Variants in ORC2 observed in about 807,000 individuals in gnomAD.
The protein encoded by ORC2 is origin recognition complex protein 2 homolog.
In ORC2, 37 loss-of-function variants were observed where a neutral mutation model predicts 77.7. The observed-to-expected ratio is 0.48, with a 90% confidence interval of 0.37 to 0.63. The LOEUF (loss-of-function observed/expected upper bound fraction) is 0.63. Ranked by LOEUF, ORC2 falls within the 20% of genes least tolerant of loss-of-function variation. The pLI is 0.00. For synonymous variants in ORC2, 201 were observed against 229.5 expected (o/e 0.88, Z 1.12); for missense variants, 557 against 661.9 (o/e 0.84, Z 1.74).
chr2:200,941,405 G>A, intron 6 of ORC2, 126 bp from the exon 7 acceptor site: 3 of 712,456 alleles, frequency 4.2e-6, no homozygotes, highest in Non-Finnish European at 4.7e-6. Context: ...CACTTTGGGA[G>A]GCAAGGCAGG....
At chr2:200,932,585 G>A (rs554541076) in intron 10 of ORC2, among the ~76,000 whole-genome samples, 11 of 152,074 alleles carry the variant, frequency 7.2e-5, no homozygotes, top group Admixed American at 2.0e-4. Context: ...TGATCCTCCC[G>A]CCTTGGCCTC....
intron 5 of ORC2, among the ~76,000 whole-genome samples, chr2:200,943,895 T>C (rs10167387): frequency 0.32 from 49,258 of 151,752 alleles, 10,808 homozygotes; most frequent in African/African-American, 0.62. Context: ...TGTGGTTATT[T>C]CATCTCTTCT....
rs545829715 is a variant in ORC2 at position 200,914,773 on chromosome 2, T to C, written c.1467-781A>G. On this transcript the variant is annotated intron_variant, in intron 15 of 17. Transcript: ENST00000234296. ...AAAATAAAATATGAAAGTATTTTTT[T>C]CTTACTTTTTAGGTTAGTGTTGGTA... 8.4e-4 allele frequency among the ~76,000 whole-genome samples: 128 copies of C among 152,218 alleles called. 3 individuals carry two copies. The South Asian group carries it at 0.025, about 30-fold the overall frequency.
chr2:200,944,835 C>T (rs146582707), intron 5 of ORC2, among the ~76,000 whole-genome samples: 1 of 152,318 alleles, frequency 6.6e-6, no homozygotes, highest in East Asian at 1.9e-4. Flanking sequence ...TCACCACGCC[C>T]AGCGGTGAAT....
intron 11 of ORC2, among the ~76,000 whole-genome samples, chr2:200,928,854 T>G (rs1421813353): frequency 6.6e-6 from 1 of 151,816 alleles, no homozygotes; most frequent in East Asian, 1.9e-4. Context: ...AAAACTTTTA[T>G]AGGCTGAAGC....
chr2:200,943,318 A>G (rs1017539811), intron 5 of ORC2, among the ~76,000 whole-genome samples: 4 of 152,196 alleles, frequency 2.6e-5, no homozygotes, highest in Non-Finnish European at 4.4e-5. Flanking sequence ...AATAAATGGA[A>G]TAGTGGTCTT....
At chr2:200,956,567 C>T (rs1028435656) in intron 4 of ORC2, among the ~76,000 whole-genome samples, 2 of 152,036 alleles carry the variant, frequency 1.3e-5, no homozygotes, top group Non-Finnish European at 2.9e-5. Flanking sequence ...TGGGCTCAAG[C>T]AGTCCTCCTG....
At chr2:200,954,489 T>C (rs2041428065) in intron 4 of ORC2, among the ~76,000 whole-genome samples, 1 of 152,156 alleles carries the variant, frequency 6.6e-6, no homozygotes, top group East Asian at 1.9e-4. Flanking sequence ...TTGCAAAAAG[T>C]CTATTTATAA....
chr2:200,919,119 T>G (rs1255593562), intron 15 of ORC2, among the ~76,000 whole-genome samples: 1 of 152,232 alleles, frequency 6.6e-6, no homozygotes, highest in Non-Finnish European at 1.5e-5. Context: ...CTTGAGCCAC[T>G]GTGCCTGGCA....
At chr2:200,913,145 A>G in intron 17 of ORC2, 150 bp downstream of exon 17, 1 of 497,030 alleles carries the variant, frequency 2.0e-6, no homozygotes, top group African/African-American at 2.0e-5. Context: ...CTCTTTCTAC[A>G]AACTCAAATG....
rs16835800 is a variant in ORC2, at chr2:200,926,230, C to T, written c.1051-298G>A. Reference sequence around the variant, plus strand: ...GAACATGAGAAACATTAGAAAACTACAGTTCTATCAAAGGAAACAGGACAC... The same window carrying T: ...GAACATGAGAAACATTAGAAAACTATAGTTCTATCAAAGGAAACAGGACAC... On this transcript the variant is annotated intron_variant, in intron 12 of 17. Coordinates refer to ENST00000234296, the MANE Select transcript of ORC2 (RefSeq NM_006190.5). Among the ~76,000 whole-genome samples, 1,475 of 152,148 alleles carry T rather than the reference C, an allele frequency of 9.7e-3. 19 individuals are homozygous for T. The highest frequency in any genetic ancestry group is 0.034 in the African/African-American group (1,409 of 41,526).
chr2:200,924,227 G>A (rs1214166218), intron 13 of ORC2, among the ~76,000 whole-genome samples: 1 of 152,056 alleles, frequency 6.6e-6, no homozygotes, highest in African/African-American at 2.4e-5. Flanking sequence ...TGTGCCTGTA[G>A]TCCCAGCTAA....
At chr2:200,939,382 G>C (rs1238985067) in intron 7 of ORC2, among the ~76,000 whole-genome samples, 4 of 152,094 alleles carry the variant, frequency 2.6e-5, no homozygotes, top group African/African-American at 9.7e-5. Context: ...AAAAAGACAA[G>C]ACTAATAAAT....
At chr2:200,942,282 C>T (rs763795173) in intron 6 of ORC2, among the ~76,000 whole-genome samples, 1 of 152,192 alleles carries the variant, frequency 6.6e-6, no homozygotes, top group African/African-American at 2.4e-5. Context: ...ACGAAATGTA[C>T]ACTTTTTAAT....
At chr2:200,939,910 G>A (rs1258121733) in intron 7 of ORC2, among the ~76,000 whole-genome samples, 1 of 152,078 alleles carries the variant, frequency 6.6e-6, no homozygotes, top group African/African-American at 2.4e-5. Context: ...GAACACACAA[G>A]ACATAAGAAA....
intron 5 of ORC2, among the ~76,000 whole-genome samples, chr2:200,945,585 T>C (rs989200121): frequency 3.9e-5 from 6 of 152,068 alleles, no homozygotes; most frequent in Non-Finnish European, 8.8e-5. Flanking sequence ...ATGATATTAT[T>C]TGTGGGCTTG....
At chr2:200,936,530 T>A (rs962712228) in intron 8 of ORC2, among the ~76,000 whole-genome samples, 1 of 152,212 alleles carries the variant, frequency 6.6e-6, no homozygotes. Context: ...TCTGGGTCCT[T>A]AATGATACTG....
chr2:200,943,524 C>T (rs2041192398), intron 5 of ORC2, among the ~76,000 whole-genome samples: 1 of 152,136 alleles, frequency 6.6e-6, no homozygotes, highest in African/African-American at 2.4e-5. Context: ...AACAGATTTA[C>T]CTTTTCCAAG....
In ORC2 at chr2:200,931,410, G is replaced by A; in HGVS notation, c.846C>T (p.Ser282=). 1.3e-6 allele frequency: 2 copies of A among 1,541,566 alleles called. No homozygotes were observed. The highest frequency in any genetic ancestry group is 1.7e-6 in the Non-Finnish European group (2 of 1,151,892). ...LRNLLSKVSP[S]FSAELKQLNQ... is the part of the protein sequence containing the mutation. The stretch of plus-strand genomic sequence containing the variant: ...TTAGTTGTTTAAGTTCGGCAGAAAA[G>A]GAAGGGGAAACCTTGCTCAATAAGT... The change falls in exon 11 of 18, where the codon TCC becomes TCT. Residue 282 remains serine (S), a synonymous_variant. Transcript: ENST00000234296.
Sources: gnomAD v4.1 joint callset for allele counts (sites outside exome capture counted in the v4.1 genomes callset) on GRCh38, gnomAD v4.1.1 for gene constraint, MANE v1.5 for transcripts, NCBI Gene and HGNC (gene_info 2026-07-23, HGNC 2026-07-21) for gene names.